Variants in NBPF6 observed in about 807,000 individuals in gnomAD.
NBPF6 encodes NBPF member 6.
Under a neutral mutation model 20.8 loss-of-function variants are expected in NBPF6, and 2 were observed. That is an observed-to-expected ratio of 0.10 (90% confidence interval 0.04 to 0.30). The LOEUF is 0.30. NBPF6 is among the 10% of genes least tolerant of loss of function. The pLI is 1.00. For synonymous variants in NBPF6, 24 were observed against 100.0 expected (o/e 0.24, Z 4.53); for missense variants, 85 against 260.3 (o/e 0.33, Z 4.63).
At chr1:108,447,851 A>T (rs1417141317), upstream of NBPF6, among the ~76,000 whole-genome samples, 2 of 146,402 alleles carry the variant, frequency 1.4e-5, 1 homozygote, top group Non-Finnish European at 3.0e-5. Context: ...TAAAAACAAA[A>T]GTTTGTGCTT....
In NBPF6 at chr1:108,470,825, A is replaced by G; in HGVS notation, c.*187A>G. ...AGAAGCCACATTCCATCCCCCTCCA[A>G]TTGTGATCAACACCTAGGGAGACCA... is the stretch of plus-strand genomic sequence containing the variant. On this transcript the variant is annotated 3_prime_UTR_variant, in exon 15 of 15. Transcript: ENST00000495380. 1 of 485,550 alleles carries G rather than the reference A, an allele frequency of 2.1e-6. No individual in the cohort carries two copies. The highest frequency in any genetic ancestry group is 3.8e-5 in the East Asian group (1 of 26,296). The allele number at this position is 485,550 out of a possible 1,614,324, so 30.1% of individuals were successfully genotyped here.
In NBPF6 at chr1:108,471,432, A is replaced by G. The variant is rs1348761373; in HGVS notation, c.*794A>G. On this transcript the variant is annotated 3_prime_UTR_variant, in exon 15 of 15. Coordinates refer to ENST00000495380, the MANE Select transcript of NBPF6 (RefSeq NM_001143988.2). The stretch of plus-strand genomic sequence containing the variant: ...GAGAAGGCCCAGTGTGTCCATCCCC[A>G]GTGCGGTGATACTAGGATGTTCACT... Among the ~76,000 whole-genome samples, 2 of 152,194 alleles carry G rather than the reference A, an allele frequency of 1.3e-5. No homozygotes were observed. Among genetic ancestry groups the G allele is most frequent in the Admixed American group, 6.5e-5 (1 of 15,276 alleles).
chr1:108,447,995 G>A (rs559602390), upstream of NBPF6, among the ~76,000 whole-genome samples: 790 of 146,332 alleles, frequency 5.4e-3, 45 homozygotes, highest in African/African-American at 0.019. Context: ...CTAAACCAGT[G>A]CTTAGATTAT....
At chr1:108,436,611 AAAG>A in the NBPF6 span, among the ~76,000 whole-genome samples, 2 of 56,782 alleles carry the variant, frequency 3.5e-5, no homozygotes, top group Admixed American at 3.8e-4. Context: ...AAAAAAAAAA[AAAG>A]AAAAGAAAAG....
the NBPF6 span, among the ~76,000 whole-genome samples, chr1:108,440,350 T>A: frequency 8.9e-5 from 1 of 11,270 alleles, no homozygotes. Context: ...ATCAACAACA[T>A]GAAAAGGCAG....
At chr1:108,453,047 A>G (rs1365735731) in intron 3 of NBPF6, 134 bp from the exon 4 acceptor site, 1 of 245,754 alleles carries the variant, frequency 4.1e-6, no homozygotes, top group African/African-American at 3.3e-5. Context: ...GGCCACAGAC[A>G]TTTCCCCAAA....
chr1:108,465,187 GC>G lies in NBPF6; in HGVS notation c.1428del (p.Thr477ProfsTer14). ...QLACSALDVA[S>X]PTEAACPQGT... Reference sequence around the variant, plus strand: ...CCTACTGAAGCCCCTTCTCCTTTCAGCCCCCACCGAGGCGGCCTGTCCCCAA... The same window carrying G: ...CCTACTGAAGCCCCTTCTCCTTTCAGCCCCACCGAGGCGGCCTGTCCCCAA... On this transcript the variant is annotated frameshift_variant and splice_region_variant, in exon 13 of 15. Coordinates refer to ENST00000495380, the MANE Select transcript of NBPF6 (RefSeq NM_001143988.2). LOFTEE classifies it high-confidence loss of function. The G allele has an allele frequency of 1.0e-6, 1 of 975,758 alleles. No homozygotes were observed. The highest frequency in any genetic ancestry group is 1.5e-6 in the Non-Finnish European group (1 of 684,774). 60.4% of individuals were successfully genotyped at this position (975,758 alleles called of 1,614,324 possible). A position where few individuals can be genotyped will look rare whatever the true frequency, so the allele number is the denominator to read the frequency against.
chr1:108,467,791 G>A, intron 14 of NBPF6, 126 bp downstream of exon 14: 2 of 1,038,786 alleles, frequency 1.9e-6, no homozygotes, highest in South Asian at 1.6e-5. Context: ...CCTCTGTCTG[G>A]TCTTAGCTCT....
chr1:108,471,141 T>G lies in NBPF6; in HGVS notation c.*503T>G, dbSNP rs1265636263. Reference sequence around the variant, plus strand: ...AAACAACAAAAAGGAGAAGAGACATTTTGAGTTCAAAAAGAGTAAAAAGCC... The same window carrying G: ...AAACAACAAAAAGGAGAAGAGACATGTTGAGTTCAAAAAGAGTAAAAAGCC... On this transcript the variant is annotated 3_prime_UTR_variant, in exon 15 of 15. Coordinates refer to ENST00000495380, the MANE Select transcript of NBPF6 (RefSeq NM_001143988.2). 7.9e-5 allele frequency: 12 copies of G among 152,262 alleles called. No individual in the cohort carries two copies. The highest frequency in any genetic ancestry group is 7.8e-4 in the Admixed American group (12 of 15,290). The allele number at this position is 152,262 out of a possible 1,614,324, so 9.4% of individuals were successfully genotyped here.
At chr1:108,452,948 CTGTGTG>C in intron 3 of NBPF6, among the ~76,000 whole-genome samples, 1 of 58,942 alleles carries the variant, frequency 1.7e-5, no homozygotes, top group African/African-American at 6.0e-5. Flanking sequence ...TATCAGAAGG[CTGTGTG>C]TGTGTGTGTG....
rs1212623450 is a variant in NBPF6 at position 108,459,536 on chromosome 1, T to C, written c.1029-397T>C. ...ACTTGATGCCATGCGATTTCGGGGATACGATTATGCCTCAAAACCTATGTT... is the reference window on the plus strand; with the variant it reads ...ACTTGATGCCATGCGATTTCGGGGACACGATTATGCCTCAAAACCTATGTT... On this transcript the variant is annotated intron_variant, in intron 9 of 14. Transcript: ENST00000495380. Among the ~76,000 whole-genome samples the C allele has an allele frequency of 2.0e-5, 3 of 146,752 alleles. No homozygotes were observed. In the Admixed American group the frequency reaches 2.1e-4, roughly 10 times the overall value.
chr1:108,470,574 T>C (rs1653403178), intron 14 of NBPF6, 23 bp from the exon 15 acceptor site: 2 of 1,544,092 alleles, frequency 1.3e-6, no homozygotes, highest in East Asian at 2.4e-5. Flanking sequence ...TCATTTGATT[T>C]TTTTTCTCTC....
rs780374027 is a variant in NBPF6 at position 108,471,338 on chromosome 1, C to T, written c.*700C>T. On this transcript the variant is annotated 3_prime_UTR_variant, in exon 15 of 15. Coordinates refer to ENST00000495380, the MANE Select transcript of NBPF6 (RefSeq NM_001143988.2). Reference sequence around the variant, plus strand: ...AAATGTCGTCATGATTAAATTCAGCCTAAACATTTTGCCAGGAACTCTGCA... The same window carrying T: ...AAATGTCGTCATGATTAAATTCAGCTTAAACATTTTGCCAGGAACTCTGCA... Among the ~76,000 whole-genome samples, 6 of 152,084 alleles carry T rather than the reference C, an allele frequency of 3.9e-5. No individual in the cohort carries two copies. The highest frequency in any genetic ancestry group is 5.9e-5 in the Non-Finnish European group (4 of 68,012).
At position 108,470,609 on chromosome 1, in the gene NBPF6, G is replaced by C; in HGVS notation, c.1888G>C (p.Ala630Pro). ...CTCTCCCCTACAGATACCAAATACT[G>C]CTGAAAGGATGCAAAGGATGATAGG... ...HAESAEIPNT[A>P]ERMQRMIG is the part of the protein sequence containing the mutation. The change falls in exon 15 of 15, where the codon GCT becomes CCT. Residue 630 changes from alanine (A) to proline (P), a missense_variant. This residue lies in a region of NBPF6 where 31 missense variants were observed against 21.0 expected (regional missense o/e 1.48). Coordinates refer to ENST00000495380, the MANE Select transcript of NBPF6 (RefSeq NM_001143988.2). 6.4e-7 allele frequency: 1 copy of C among 1,554,030 alleles called. No individual in the cohort carries two copies. The highest frequency in any genetic ancestry group is 8.7e-7 in the Non-Finnish European group (1 of 1,148,232).
In NBPF6 at chr1:108,471,844, T is replaced by C. The variant is rs1336599503; in HGVS notation, c.*1206T>C. Among the ~76,000 whole-genome samples the C allele has an allele frequency of 6.6e-6, 1 of 152,196 alleles. No individual in the cohort carries two copies. Among genetic ancestry groups the C allele is most frequent in the African/African-American group, 2.4e-5 (1 of 41,446 alleles). ...TTTTTCACATACAATGTTTTAAGCT[T>C]TTATTTTATTATTGGTTTTCATGGA... On this transcript the variant is annotated 3_prime_UTR_variant, in exon 15 of 15. Coordinates refer to ENST00000495380, the MANE Select transcript of NBPF6 (RefSeq NM_001143988.2).
Position 108,471,433 on chromosome 1 carries a change from G to C in NBPF6, c.*795G>C, listed in dbSNP as rs144611841. Among the ~76,000 whole-genome samples the C allele has an allele frequency of 2.0e-5, 3 of 152,192 alleles. No homozygotes were observed. The highest frequency in any genetic ancestry group is 4.4e-5 in the Non-Finnish European group (3 of 68,032). ...AGAAGGCCCAGTGTGTCCATCCCCA[G>C]TGCGGTGATACTAGGATGTTCACTT... is the stretch of plus-strand genomic sequence containing the variant. On this transcript the variant is annotated 3_prime_UTR_variant, in exon 15 of 15. Coordinates refer to ENST00000495380, the MANE Select transcript of NBPF6 (RefSeq NM_001143988.2).
At chr1:108,452,699 T>C (rs371353884) in intron 3 of NBPF6, among the ~76,000 whole-genome samples, 10,573 of 66,374 alleles carry the variant, frequency 0.16, 1,508 homozygotes, top group Middle Eastern at 0.25. Flanking sequence ...TGTCATTCTT[T>C]TCTTCTTTCA....
rs373337369 is a variant in NBPF6, at chr1:108,471,470, G to T, written c.*832G>T. On this transcript the variant is annotated 3_prime_UTR_variant, in exon 15 of 15. Coordinates refer to ENST00000495380, the MANE Select transcript of NBPF6 (RefSeq NM_001143988.2). ...TAGGATGTTCACTTGGTCAAGGAGGGGTCTAGGAGCTCTGTCCCTTGTAAA... is the reference window on the plus strand; with the variant it reads ...TAGGATGTTCACTTGGTCAAGGAGGTGTCTAGGAGCTCTGTCCCTTGTAAA... Among the ~76,000 whole-genome samples, 1 of 152,078 alleles carries T rather than the reference G, an allele frequency of 6.6e-6. No homozygotes were observed. Among genetic ancestry groups the T allele is most frequent in the East Asian group, 1.9e-4 (1 of 5,194 alleles).
chr1:108,467,942 C>A (rs1653231940), intron 14 of NBPF6, among the ~76,000 whole-genome samples: 3 of 151,050 alleles, frequency 2.0e-5, no homozygotes, highest in South Asian at 2.1e-4. Flanking sequence ...TTGTCCCCAT[C>A]CAAGTACATA....
Sources: gnomAD v4.1 joint callset for allele counts (sites outside exome capture counted in the v4.1 genomes callset) on GRCh38, gnomAD v4.1.1 for gene constraint, gnomAD v4.1.1 regional missense constraint, MANE v1.5 for transcripts, NCBI Gene and HGNC (gene_info 2026-07-23, HGNC 2026-07-21) for gene names.